The following SUMF1 variants were observed in gnomAD, a reference collection of about 807,000 sequenced individuals.
SUMF1 encodes the protein formylglycine-generating enzyme.
SUMF1 carries 48 observed loss-of-function variants against 47.6 expected under a neutral mutation model. That is an observed-to-expected ratio of 1.01 (90% confidence interval 0.80 to 1.28). The LOEUF is 1.28. Among genes scored for constraint, SUMF1 ranks in the 50% most tolerant of loss-of-function variants. The probability of loss-of-function intolerance (pLI) is 0.00; values close to 1 mark genes in which losing one functional copy is unlikely to be tolerated. For missense variants in SUMF1, 571 were observed against 485.4 expected, an observed-to-expected ratio of 1.18 and a Z score of -1.66; for synonymous variants, 230 against 192.1, an observed-to-expected ratio of 1.20 and a Z score of -1.63.
chr3:4,324,656 A>G (rs1698905005), intron 8 of SUMF1, among the ~76,000 whole-genome samples: 1 of 152,194 alleles, frequency 6.6e-6, no homozygotes, highest in Non-Finnish European at 1.5e-5. Flanking sequence ...ACATTTTTAC[A>G]TCAGATGAAG....
intron 7 of SUMF1, among the ~76,000 whole-genome samples, chr3:4,385,509 G>A (rs1091074): frequency 0.89 from 134,929 of 152,166 alleles, 60,831 homozygotes; most frequent in Non-Finnish European, 0.98. Context: ...AGTTTTTTAT[G>A]TATTGTAAAT....
intron 9 of SUMF1, among the ~76,000 whole-genome samples, chr3:4,048,232 C>T (rs1038090267): frequency 9.9e-5 from 15 of 152,090 alleles, no homozygotes; most frequent in African/African-American, 2.9e-4. Flanking sequence ...GACCCATACT[C>T]GCCATCAGCA....
intron 8 of SUMF1, among the ~76,000 whole-genome samples, chr3:4,171,939 C>T (rs1694841298): frequency 6.6e-6 from 1 of 152,140 alleles, no homozygotes; most frequent in African/African-American, 2.4e-5. Flanking sequence ...GCATACTCCA[C>T]CCTTTGAGGC....
intron 8 of SUMF1, among the ~76,000 whole-genome samples, chr3:4,276,507 A>G (rs1257037860): frequency 6.6e-6 from 1 of 152,166 alleles, no homozygotes; most frequent in Non-Finnish European, 1.5e-5. Flanking sequence ...AATCATTTGT[A>G]CCACCAGCTC....
chr3:4,172,656 G>A (rs1298845964), intron 8 of SUMF1, among the ~76,000 whole-genome samples: 2 of 151,926 alleles, frequency 1.3e-5, no homozygotes, highest in African/African-American at 2.4e-5. Flanking sequence ...TTTGAGAAGG[G>A]TCTGCTTATA....
intron 9 of SUMF1, among the ~76,000 whole-genome samples, chr3:4,054,503 A>T (rs938627188): frequency 6.6e-6 from 1 of 152,154 alleles, no homozygotes; most frequent in African/African-American, 2.4e-5. Flanking sequence ...AACTCATGCA[A>T]ATGCTGTAGC....
chr3:4,114,996 G>A (rs1486554600), intron 8 of SUMF1, among the ~76,000 whole-genome samples: 1 of 151,944 alleles, frequency 6.6e-6, no homozygotes, highest in East Asian at 1.9e-4. Flanking sequence ...AACTAGGTGA[G>A]GACAGGCACT....
chr3:4,207,419 G>A (rs866019606), intron 8 of SUMF1, among the ~76,000 whole-genome samples: 4 of 152,166 alleles, frequency 2.6e-5, no homozygotes, highest in Admixed American at 6.5e-5. Flanking sequence ...ATCTTAGGGT[G>A]AGAAAGCATT....
At chr3:4,401,342 G>A (rs901473142) in intron 7 of SUMF1, among the ~76,000 whole-genome samples, 1 of 152,042 alleles carries the variant, frequency 6.6e-6, no homozygotes, top group Non-Finnish European at 1.5e-5. Flanking sequence ...TAATGGGATC[G>A]CTGGGTCAAA....
At chr3:4,327,420 G>A (rs1328221779) in intron 8 of SUMF1, among the ~76,000 whole-genome samples, 1 of 152,104 alleles carries the variant, frequency 6.6e-6, no homozygotes, top group Non-Finnish European at 1.5e-5. Flanking sequence ...GTTGTTTTCT[G>A]TAGCCGACTA....
chr3:4,256,615 C>T (rs1291846496), intron 8 of SUMF1, among the ~76,000 whole-genome samples: 2 of 150,438 alleles, frequency 1.3e-5, no homozygotes, highest in Admixed American at 6.6e-5. Context: ...GAAATTGTGG[C>T]AATAATCAAT....
chr3:4,039,686 T>A (rs1238014380), intron 9 of SUMF1, among the ~76,000 whole-genome samples: 1 of 152,066 alleles, frequency 6.6e-6, no homozygotes, highest in Non-Finnish European at 1.5e-5. Flanking sequence ...GAAAGCTCAA[T>A]ATTCTAAAAA....
At chr3:4,253,265 T>C (rs950118528) in intron 8 of SUMF1, among the ~76,000 whole-genome samples, 6 of 152,164 alleles carry the variant, frequency 3.9e-5, no homozygotes, top group Non-Finnish European at 5.9e-5. Flanking sequence ...GGAGCCAAGA[T>C]GGCCGAATAG....
Position 4,467,094 on chromosome 3 carries a change from C to T in SUMF1, c.152G>A (p.Gly51Asp). The T allele has an allele frequency of 6.4e-7, 1 of 1,560,370 alleles. No individual in the cohort carries two copies. The highest frequency in any genetic ancestry group is 8.7e-7 in the Non-Finnish European group (1 of 1,153,446). ...GCCAGGCCGCTGGGGCGTGCCGCAG[C>T]CGCAAGAACCCGCAAGGGACCCCGC... ...AGAGSLAGSC[G>D]CGTPQRPGAH... Residue 51 changes from glycine (G) to aspartate (D), a missense_variant, in exon 1 of 9, where the codon GGC becomes GAC. Transcript: ENST00000272902.
At position 4,099,739 on chromosome 3, in the gene SUMF1, C is replaced by A. The variant is rs1692988385; in HGVS notation, c.1015-30994G>T. 2.0e-5 allele frequency among the ~76,000 whole-genome samples: 3 copies of A among 151,970 alleles called. No individual in the cohort carries two copies. The South Asian group carries it at 6.2e-4, about 32-fold the overall frequency. ...ACTCCACACCCAAAACCTACTAGAA[C>A]TGATAAAAGCAGTAAAGTTGCAGGA... On this transcript the variant is annotated intron_variant and NMD_transcript_variant, in intron 8 of 12. Coordinates refer to the SUMF1 transcript ENST00000448413.
intron 1 of SUMF1, among the ~76,000 whole-genome samples, chr3:4,459,343 A>T (rs1402595909): frequency 2.6e-5 from 4 of 152,174 alleles, no homozygotes; most frequent in Non-Finnish European, 5.9e-5. Context: ...ATAAAATTTT[A>T]AAAAACAAGG....
At chr3:4,236,113 T>C (rs1696403316) in intron 8 of SUMF1, among the ~76,000 whole-genome samples, 1 of 152,106 alleles carries the variant, frequency 6.6e-6, no homozygotes, top group Non-Finnish European at 1.5e-5. Flanking sequence ...CTTGCTAATT[T>C]TTTGTATAGA....
intron 7 of SUMF1, among the ~76,000 whole-genome samples, chr3:4,408,267 G>C (rs1487951973): frequency 6.6e-6 from 1 of 152,164 alleles, no homozygotes; most frequent in African/African-American, 2.4e-5. Flanking sequence ...ACTGACCAGA[G>C]CACCTTAAAT....
chr3:4,447,329 T>C (rs1191594100), intron 3 of SUMF1, among the ~76,000 whole-genome samples: 1 of 152,220 alleles, frequency 6.6e-6, no homozygotes, highest in Non-Finnish European at 1.5e-5. Context: ...AGGCCTCTTC[T>C]ATGTTAAAAG....
Sources: gnomAD v4.1 joint callset for allele counts (sites outside exome capture counted in the v4.1 genomes callset) on GRCh38, gnomAD v4.1.1 for gene constraint, MANE v1.5 for transcripts, NCBI Gene and HGNC (gene_info 2026-07-23, HGNC 2026-07-21) for gene names.